The following BMPER variants were observed in gnomAD, a reference collection of about 807,000 sequenced individuals.
The protein encoded by BMPER is BMP-binding endothelial regulator protein.
BMPER carries 45 observed loss-of-function variants against 87.3 expected under a neutral mutation model. The observed-to-expected ratio is 0.52, with a 90% confidence interval of 0.41 to 0.66. The LOEUF (loss-of-function observed/expected upper bound fraction) is 0.66, where lower values mean the gene tolerates loss of function less well. Among genes scored for constraint, BMPER ranks in the 30% least tolerant of loss-of-function variants. BMPER has a pLI of 0.00. For missense variants in BMPER, 784 were observed against 867.5 expected, an observed-to-expected ratio of 0.90 and a Z score of 1.21; for synonymous variants, 326 against 316.2, an observed-to-expected ratio of 1.03 and a Z score of -0.33.
intron 2 of BMPER, among the ~76,000 whole-genome samples, chr7:33,909,929 A>G (rs1433535923): frequency 1.3e-5 from 2 of 152,170 alleles, no homozygotes; most frequent in Non-Finnish European, 2.9e-5. Flanking sequence ...GGCCACTGTA[A>G]GCAGAGCTGA....
chr7:34,049,144 C>T (rs1234797779), intron 7 of BMPER, among the ~76,000 whole-genome samples: 1 of 152,150 alleles, frequency 6.6e-6, no homozygotes, highest in East Asian at 1.9e-4. Flanking sequence ...TCCTCATTCT[C>T]AATGGAGAGT....
chr7:33,948,562 G>A (rs1392369617), intron 3 of BMPER, among the ~76,000 whole-genome samples: 1 of 152,178 alleles, frequency 6.6e-6, no homozygotes, highest in East Asian at 1.9e-4. Context: ...GGTGGGAGGT[G>A]ATTGGATCAT....
chr7:34,055,353 A>G (rs1788255575), intron 9 of BMPER, 50 bp downstream of exon 9: 1 of 1,610,746 alleles, frequency 6.2e-7, no homozygotes, highest in Admixed American at 1.7e-5. Flanking sequence ...TACGCTGACA[A>G]TTAAAAAGCT....
chr7:33,945,074 A>T (rs868753365), intron 3 of BMPER, among the ~76,000 whole-genome samples: 26 of 147,478 alleles, frequency 1.8e-4, no homozygotes, highest in South Asian at 4.3e-4. Flanking sequence ...CCTGAGTAGC[A>T]GGGACTACAG....
intron 6 of BMPER, among the ~76,000 whole-genome samples, chr7:33,990,939 A>C (rs1302181482): frequency 8.1e-6 from 1 of 123,620 alleles, no homozygotes; most frequent in East Asian, 2.2e-4. Context: ...CATATATTGA[A>C]CCAGCCTTGC....
At chr7:33,946,815 A>G (rs1019439996) in intron 3 of BMPER, among the ~76,000 whole-genome samples, 1 of 152,208 alleles carries the variant, frequency 6.6e-6, no homozygotes. Flanking sequence ...ATTCTTAGAA[A>G]GGCTTTGTGT....
At chr7:33,995,584 A>T (rs766123639) in intron 6 of BMPER, among the ~76,000 whole-genome samples, 4 of 152,200 alleles carry the variant, frequency 2.6e-5, no homozygotes, top group Admixed American at 6.5e-5. Context: ...CCACATTAGC[A>T]TAAAACCAGG....
chr7:33,987,054 C>T (rs539348044), intron 6 of BMPER, among the ~76,000 whole-genome samples: 7 of 152,122 alleles, frequency 4.6e-5, no homozygotes, highest in African/African-American at 1.7e-4. Flanking sequence ...GCGCTCTGCA[C>T]GATAGCCTGG....
At chr7:34,144,666 C>T (rs1790972505) in intron 14 of BMPER, among the ~76,000 whole-genome samples, 1 of 152,096 alleles carries the variant, frequency 6.6e-6, no homozygotes. Context: ...TGAAGCATCT[C>T]AAAGAGTGTC....
intron 11 of BMPER, among the ~76,000 whole-genome samples, chr7:34,065,203 A>ACTCT (rs70997564): frequency 0.032 from 3,078 of 97,138 alleles, 44 homozygotes; most frequent in South Asian, 0.061. Flanking sequence ...ATACACACTC[A>ACTCT]CTCTCTCTCT....
At chr7:34,015,798 C>T (rs1787006282) in intron 6 of BMPER, among the ~76,000 whole-genome samples, 1 of 151,940 alleles carries the variant, frequency 6.6e-6, no homozygotes, top group Non-Finnish European at 1.5e-5. Context: ...TCTAGAGCTC[C>T]TGGACCTTGT....
intron 12 of BMPER, among the ~76,000 whole-genome samples, chr7:34,079,675 G>T (rs1788962156): frequency 6.6e-6 from 1 of 152,292 alleles, no homozygotes; most frequent in South Asian, 2.1e-4. Context: ...AAACAGCTTA[G>T]TATCAGTGAT....
At chr7:33,967,404 A>C (rs1199410814) in intron 4 of BMPER, among the ~76,000 whole-genome samples, 1 of 152,174 alleles carries the variant, frequency 6.6e-6, no homozygotes, top group African/African-American at 2.4e-5. Flanking sequence ...CTTTGCTCTT[A>C]TCTTAAGCAT....
chr7:34,087,414 A>T (rs1027313389), intron 13 of BMPER, among the ~76,000 whole-genome samples: 8 of 152,208 alleles, frequency 5.3e-5, no homozygotes, highest in African/African-American at 1.7e-4. Context: ...GGAAAGCAGT[A>T]GAATATAGCA....
chr7:33,983,077 CA>C (rs1440377525), intron 6 of BMPER, among the ~76,000 whole-genome samples: 2 of 152,182 alleles, frequency 1.3e-5, no homozygotes, highest in Admixed American at 1.3e-4. Flanking sequence ...ACTGTAGTTT[CA>C]GCAAGTTAAG....
chr7:33,975,310 G>T (rs75980339), intron 6 of BMPER, among the ~76,000 whole-genome samples: 71 of 152,180 alleles, frequency 4.7e-4, no homozygotes, highest in African/African-American at 1.7e-3. Flanking sequence ...GCTTCTGTGC[G>T]TCCTGAGGGG....
intron 6 of BMPER, among the ~76,000 whole-genome samples, chr7:34,039,354 C>G (rs1470821705): frequency 6.6e-6 from 1 of 152,192 alleles, no homozygotes; most frequent in East Asian, 1.9e-4. Flanking sequence ...GAATCATTGG[C>G]CTAGTACTCT....
chr7:34,049,285 A>G (rs1270252061), intron 7 of BMPER, among the ~76,000 whole-genome samples: 1 of 152,182 alleles, frequency 6.6e-6, no homozygotes, highest in African/African-American at 2.4e-5. Flanking sequence ...AGGATGTGTA[A>G]TGAATATCAG....
intron 2 of BMPER, among the ~76,000 whole-genome samples, chr7:33,920,796 A>T (rs1349435293): frequency 6.6e-6 from 1 of 152,116 alleles, no homozygotes; most frequent in Non-Finnish European, 1.5e-5. Context: ...CACTCTTTCC[A>T]CCTGACATGT....
Sources: allele counts gnomAD v4.1 joint callset (sites outside exome capture counted in the v4.1 genomes callset), GRCh38; gene constraint gnomAD v4.1.1; transcripts MANE v1.5; gene names NCBI Gene and HGNC (gene_info 2026-07-23, HGNC 2026-07-21).